KLHL32: variants seen among roughly 807,000 people sequenced by gnomAD.
KLHL32 encodes the protein kelch like family member 32, also known as kelch-like protein 32.
In KLHL32, 35 loss-of-function variants were observed where a neutral mutation model predicts 64.8. The ratio of observed to expected loss-of-function variants is 0.54; its 90% confidence interval spans 0.41 to 0.72. KLHL32 has a LOEUF of 0.72. KLHL32 is among the 30% of genes least tolerant of loss of function. KLHL32 has a pLI of 0.00. For missense variants in KLHL32, 589 were observed against 768.5 expected, an observed-to-expected ratio of 0.77 and a Z score of 2.76; for synonymous variants, 259 against 281.0, an observed-to-expected ratio of 0.92 and a Z score of 0.78.
chr6:96,967,050 C>T lies in KLHL32; in HGVS notation c.-11C>T. ...TTCTAAGGCTGAGAACCTGAGGAAC[C>T]CAGCTGGAAAATGCCGTCTGAACGC... is the stretch of plus-strand genomic sequence containing the variant. On this transcript the variant is annotated 5_prime_UTR_variant, in exon 2 of 11. Coordinates refer to ENST00000369261, the MANE Select transcript of KLHL32 (RefSeq NM_052904.4). The T allele has an allele frequency of 7.4e-6, 12 of 1,613,354 alleles. No individual in the cohort carries two copies. Among genetic ancestry groups the T allele is most frequent in the Non-Finnish European group, 1.0e-5 (12 of 1,179,518 alleles).
chr6:97,085,434 G>T, intron 6 of KLHL32, 93 bp downstream of exon 6: 1 of 1,082,928 alleles, frequency 9.2e-7, no homozygotes. Context: ...CTATTTTAGT[G>T]GCTTTGGTCC....
At chr6:97,043,367 G>T (rs1785421579) in intron 4 of KLHL32, among the ~76,000 whole-genome samples, 1 of 152,092 alleles carries the variant, frequency 6.6e-6, no homozygotes, top group African/African-American at 2.4e-5. Context: ...TGTCCTCAAA[G>T]TTCATCCATG....
intron 7 of KLHL32, among the ~76,000 whole-genome samples, chr6:97,117,640 T>C (rs192020067): frequency 5.1e-4 from 77 of 152,354 alleles, no homozygotes; most frequent in Non-Finnish European, 9.3e-4. Context: ...TTTGACATTG[T>C]GACCCAATTC....
chr6:96,980,816 T>G (rs1453631755), intron 3 of KLHL32, among the ~76,000 whole-genome samples: 1 of 152,162 alleles, frequency 6.6e-6, no homozygotes, highest in Admixed American at 6.5e-5. Flanking sequence ...AATAGGTATA[T>G]TAGTCCGTTC....
chr6:97,014,142 A>C (rs1266389619), intron 3 of KLHL32, among the ~76,000 whole-genome samples: 2 of 151,970 alleles, frequency 1.3e-5, no homozygotes, highest in Non-Finnish European at 2.9e-5. Context: ...AAAATACAAA[A>C]AATTAGCCGG....
At chr6:96,939,708 G>A (rs1771049175) in intron 1 of KLHL32, among the ~76,000 whole-genome samples, 1 of 152,110 alleles carries the variant, frequency 6.6e-6, no homozygotes, top group Non-Finnish European at 1.5e-5. Flanking sequence ...GGGTAGAGAA[G>A]GACTGCACAC....
chr6:96,907,843 A>G, the KLHL32 span, among the ~76,000 whole-genome samples: 1 of 152,040 alleles, frequency 6.6e-6, no homozygotes, highest in Non-Finnish European at 1.5e-5. Flanking sequence ...CCCTAACTCC[A>G]CCCCTCAAAT....
At chr6:96,958,061 A>G (rs1773462505) in intron 1 of KLHL32, among the ~76,000 whole-genome samples, 2 of 152,238 alleles carry the variant, frequency 1.3e-5, no homozygotes, top group Non-Finnish European at 2.9e-5. Flanking sequence ...CCATATAGAC[A>G]GGATGACCAG....
intron 6 of KLHL32, among the ~76,000 whole-genome samples, chr6:97,102,940 T>C (rs957791451): frequency 1.3e-5 from 2 of 152,066 alleles, no homozygotes; most frequent in South Asian, 4.1e-4. Flanking sequence ...CACCCAGATA[T>C]TAAGCCTAGT....
chr6:96,937,060 A>T (rs1470031186), intron 1 of KLHL32, among the ~76,000 whole-genome samples: 1 of 152,230 alleles, frequency 6.6e-6, no homozygotes, highest in Non-Finnish European at 1.5e-5. Flanking sequence ...GATTAAAAAA[A>T]AAAAGTTTTA....
At chr6:96,921,249 G>A (rs968121962), upstream of KLHL32, among the ~76,000 whole-genome samples, 1 of 152,188 alleles carries the variant, frequency 6.6e-6, no homozygotes, top group Non-Finnish European at 1.5e-5. Context: ...CTCCCATCAT[G>A]TGACTAGTTG....
At position 96,970,479 on chromosome 6, in the gene KLHL32, T is replaced by A. The variant is rs1296073857; in HGVS notation, c.23+3396T>A. Among the ~76,000 whole-genome samples, 3 of 152,224 alleles carry A rather than the reference T, an allele frequency of 2.0e-5. No individual in the cohort carries two copies. The East Asian group carries it at 5.8e-4, about 29-fold the overall frequency. On this transcript the variant is annotated intron_variant, in intron 2 of 10. Coordinates refer to ENST00000369261, the MANE Select transcript of KLHL32 (RefSeq NM_052904.4). Reference sequence around the variant, plus strand: ...TCACTTTTAAAAGATTAACTTGTTCTCATCCTTCAGCCAGCAGCTCAAGTA... The same window carrying A: ...TCACTTTTAAAAGATTAACTTGTTCACATCCTTCAGCCAGCAGCTCAAGTA...
chr6:96,917,053 C>A, the KLHL32 span, among the ~76,000 whole-genome samples: 3 of 152,174 alleles, frequency 2.0e-5, no homozygotes, highest in African/African-American at 7.2e-5. Context: ...TTTATATAAG[C>A]ACTTTTCACA....
At chr6:97,014,192 G>A (rs938783370) in intron 3 of KLHL32, among the ~76,000 whole-genome samples, 14 of 151,978 alleles carry the variant, frequency 9.2e-5, no homozygotes, top group South Asian at 2.1e-4. Flanking sequence ...TACTCGGAGA[G>A]GCTGAGGCAG....
rs183923911 is a variant in KLHL32 at position 97,021,055 on chromosome 6, T to C, written c.205-20437T>C. On this transcript the variant is annotated intron_variant, in intron 3 of 10. Transcript: ENST00000369261. Reference sequence around the variant, plus strand: ...AGAAGCAGAACCAATAGGTTGTATATATAGAGAAAAAAAGATTTATTATAA... The same window carrying C: ...AGAAGCAGAACCAATAGGTTGTATACATAGAGAAAAAAAGATTTATTATAA... 2.0e-5 allele frequency among the ~76,000 whole-genome samples: 3 copies of C among 150,992 alleles called. No homozygotes were observed. In the East Asian group the frequency reaches 5.8e-4, roughly 29 times the overall value.
intron 3 of KLHL32, among the ~76,000 whole-genome samples, chr6:97,005,798 T>C (rs2128084588): frequency 6.6e-6 from 1 of 152,310 alleles, no homozygotes; most frequent in Non-Finnish European, 1.5e-5. Context: ...TTGAGAGATT[T>C]TCTTAGTATT....
chr6:97,118,496 G>A (rs1157382277), intron 7 of KLHL32, among the ~76,000 whole-genome samples: 1 of 151,740 alleles, frequency 6.6e-6, no homozygotes, highest in African/African-American at 2.4e-5. Context: ...GCGGGCGCCT[G>A]TAATCGCAGC....
At chr6:96,963,616 G>A (rs909957877) in intron 1 of KLHL32, among the ~76,000 whole-genome samples, 1 of 152,100 alleles carries the variant, frequency 6.6e-6, no homozygotes, top group African/African-American at 2.4e-5. Context: ...TTTTATAGTA[G>A]TTATGCAATA....
intron 3 of KLHL32, among the ~76,000 whole-genome samples, chr6:97,004,839 G>A (rs1477125979): frequency 1.3e-5 from 2 of 152,126 alleles, no homozygotes; most frequent in Non-Finnish European, 2.9e-5. Flanking sequence ...TGATCGTAGT[G>A]CATTAGCTTT....
Sources: gnomAD v4.1 joint callset for allele counts (sites outside exome capture counted in the v4.1 genomes callset) on GRCh38, gnomAD v4.1.1 for gene constraint, MANE v1.5 for transcripts, NCBI Gene and HGNC (gene_info 2026-07-23, HGNC 2026-07-21) for gene names.